Variants in FKBP14 observed in about 807,000 individuals in gnomAD.
FKBP14 encodes the protein peptidyl-prolyl cis-trans isomerase FKBP14.
FKBP14 carries 20 observed loss-of-function variants against 21.6 expected under a neutral mutation model. The ratio of observed to expected loss-of-function variants is 0.92; its 90% CI spans 0.65 to 1.34. The LOEUF is 1.34. Ranked by LOEUF, FKBP14 falls within the 40% of genes most tolerant of loss-of-function variation. The pLI, the probability that FKBP14 is intolerant of heterozygous loss-of-function variation, is 0.00. For missense variants in FKBP14, 253 were observed against 249.0 expected (o/e 1.02, Z -0.11); for synonymous variants, 79 against 86.7 (o/e 0.91, Z 0.49).
intron 1 of FKBP14, chr7:30,025,516 C>T (rs1477376994): frequency 6.6e-6 from 1 of 152,140 alleles, no homozygotes; most frequent in African/African-American, 2.4e-5. Context: ...TGATTAGAAG[C>T]CAAAATTTCT....
At chr7:30,007,761 G>C (rs533880952), downstream of FKBP14, among the ~76,000 whole-genome samples, 56 of 152,264 alleles carry the variant, frequency 3.7e-4, no homozygotes, top group Non-Finnish European at 5.6e-4. Context: ...TTAAAATGCA[G>C]ACTCAGGCCC....
chr7:30,024,066 C>T (rs1024597421), intron 1 of FKBP14, among the ~76,000 whole-genome samples: 2 of 152,136 alleles, frequency 1.3e-5, no homozygotes, highest in African/African-American at 4.8e-5. Flanking sequence ...AATGCCTGAT[C>T]CCTACCTAGC....
rs1285571319 is a variant in FKBP14, at chr7:30,011,572, ATGG to A, written c.*3160_*3162del. 3 of 138,642 alleles carry A rather than the reference ATGG, an allele frequency of 2.2e-5. No homozygotes were observed. The highest frequency in any genetic ancestry group is 2.0e-4 in the East Asian group (1 of 4,950). The allele number at this position is 138,642 out of a possible 1,614,324, so 8.6% of individuals were successfully genotyped here. ...TACTATATATATATATACCATATAT[ATGG>A]TATATATATATATATAGTATATATA... is the stretch of plus-strand genomic sequence containing the variant. On this transcript the variant is annotated 3_prime_UTR_variant, in exon 4 of 4. Coordinates refer to ENST00000222803, the MANE Select transcript of FKBP14 (RefSeq NM_017946.4).
Position 30,013,696 on chromosome 7 carries a change from A to C in FKBP14, c.*1039T>G, listed in dbSNP as rs560441504. The C allele has an allele frequency of 3.3e-5, 5 of 152,222 alleles. No individual in the cohort carries two copies. Among genetic ancestry groups the C allele is most frequent in the Non-Finnish European group, 4.4e-5 (3 of 68,040 alleles). The allele number at this position is 152,222 out of a possible 1,614,324, so 9.4% of individuals were successfully genotyped here. A position where few individuals can be genotyped will look rare whatever the true frequency, so the allele number is the denominator to read the frequency against. On this transcript the variant is annotated 3_prime_UTR_variant, in exon 4 of 4. Transcript: ENST00000222803. ...ATTCCGCTAGCCTTAAGAAGTAAATATTGAATATAAATATAACTTTCTACC... is the reference window on the plus strand; with the variant it reads ...ATTCCGCTAGCCTTAAGAAGTAAATCTTGAATATAAATATAACTTTCTACC...
chr7:30,021,244 T>C (rs921414489), intron 2 of FKBP14, among the ~76,000 whole-genome samples: 4 of 152,212 alleles, frequency 2.6e-5, no homozygotes, highest in Non-Finnish European at 4.4e-5. Flanking sequence ...TGATTAACTT[T>C]CTATGTATAT....
At chr7:30,015,684 G>A (rs56015519) in intron 3 of FKBP14, among the ~76,000 whole-genome samples, 1 of 144,402 alleles carries the variant, frequency 6.9e-6, no homozygotes, top group African/African-American at 2.6e-5. Context: ...GGAGTGCAGT[G>A]GCGCAATCTC....
downstream of FKBP14, among the ~76,000 whole-genome samples, chr7:30,007,175 TA>T (rs1030630007): frequency 2.6e-5 from 4 of 151,158 alleles, no homozygotes; most frequent in South Asian, 2.1e-4. Context: ...AAGAAGTAAT[TA>T]AAAAAAAGAA....
downstream of FKBP14, among the ~76,000 whole-genome samples, chr7:30,006,447 TTC>T (rs1727362514): frequency 6.6e-6 from 1 of 152,038 alleles, no homozygotes; most frequent in South Asian, 2.1e-4. Context: ...TTTTTTTTTT[TTC>T]TCCTAAATCT....
At position 30,019,752 on chromosome 7, in the gene FKBP14, C is replaced by T. The variant is rs546886985; in HGVS notation, c.350-629G>A. 5.9e-5 allele frequency among the ~76,000 whole-genome samples: 9 copies of T among 152,200 alleles called. No individual in the cohort carries two copies. The South Asian group carries it at 1.0e-3, about 18-fold the overall frequency. On this transcript the variant is annotated intron_variant, in intron 2 of 3. Coordinates refer to ENST00000222803, the MANE Select transcript of FKBP14 (RefSeq NM_017946.4). The stretch of plus-strand genomic sequence containing the variant: ...AAGGGAGAAAAATCCATGCAAAATA[C>T]TTAGCATTAAACTTGACAAATAGTA...
In FKBP14 at chr7:30,014,661, A is replaced by C; in HGVS notation, c.*74T>G. ...ACAAAGCAAGAAAGAACATTGTATA[A>C]AAATAAAATGTTCTTTAAAGATGAC... On this transcript the variant is annotated 3_prime_UTR_variant, in exon 4 of 4. Transcript: ENST00000222803. The C allele has an allele frequency of 1.0e-6, 1 of 996,532 alleles. No individual in the cohort carries two copies. Among genetic ancestry groups the C allele is most frequent in the East Asian group, 3.0e-5 (1 of 32,994 alleles). The allele number at this position is 996,532 out of a possible 1,614,324, so 61.7% of individuals were successfully genotyped here. A position where few individuals can be genotyped will look rare whatever the true frequency, so the allele number is the denominator to read the frequency against.
rs965724863 is a variant in FKBP14 at position 30,011,382 on chromosome 7, G to A, written c.*3353C>T. On this transcript the variant is annotated 3_prime_UTR_variant, in exon 4 of 4. Coordinates refer to ENST00000222803, the MANE Select transcript of FKBP14 (RefSeq NM_017946.4). ...TTATAAATTTTAGTGTCACCTAAGTGTACGGTGTTTATAAAGTCTACAGTA... is the reference window on the plus strand; with the variant it reads ...TTATAAATTTTAGTGTCACCTAAGTATACGGTGTTTATAAAGTCTACAGTA... The A allele has an allele frequency of 7.3e-5, 11 of 151,404 alleles. No homozygotes were observed. Among genetic ancestry groups the A allele is most frequent in the African/African-American group, 1.9e-4 (8 of 41,174 alleles). 9.4% of individuals were successfully genotyped at this position (151,404 alleles called of 1,614,324 possible). A position where few individuals can be genotyped will look rare whatever the true frequency, so the allele number is the denominator to read the frequency against.
chr7:30,010,888 G>A lies in FKBP14; in HGVS notation c.*3847C>T, dbSNP rs935679653. 2 of 151,976 alleles carry A rather than the reference G, an allele frequency of 1.3e-5. No individual in the cohort carries two copies. Among genetic ancestry groups the A allele is most frequent in the African/African-American group, 4.8e-5 (2 of 41,360 alleles). The allele number at this position is 151,976 out of a possible 1,614,324, so 9.4% of individuals were successfully genotyped here. ...AATAGATAAAAGCTTATATAATAAG[G>A]ATATAAGGAAAATATTTTTGTACAG... On this transcript the variant is annotated 3_prime_UTR_variant, in exon 4 of 4. Transcript: ENST00000222803.
intron 1 of FKBP14, among the ~76,000 whole-genome samples, chr7:30,024,462 G>A (rs953908115): frequency 2.0e-5 from 3 of 152,126 alleles, no homozygotes; most frequent in Admixed American, 6.5e-5. Flanking sequence ...GTGCAGCGGC[G>A]CAATCTTGGC....
In FKBP14 at chr7:30,013,458, C is replaced by T. The variant is rs1406359089; in HGVS notation, c.*1277G>A. On this transcript the variant is annotated 3_prime_UTR_variant, in exon 4 of 4. Transcript: ENST00000222803. ...AGAGACAAGGTTTCACCATGTTGGC[C>T]AGGCTGGTCTTGAACTCCTGATCTC... The T allele has an allele frequency of 2.0e-5, 3 of 152,172 alleles. No homozygotes were observed. The highest frequency in any genetic ancestry group is 4.4e-5 in the Non-Finnish European group (3 of 68,098). 9.4% of individuals were successfully genotyped at this position (152,172 alleles called of 1,614,324 possible). A position where few individuals can be genotyped will look rare whatever the true frequency, so the allele number is the denominator to read the frequency against.
At chr7:30,023,310 T>C (rs555592809) in intron 1 of FKBP14, among the ~76,000 whole-genome samples, 1 of 152,160 alleles carries the variant, frequency 6.6e-6, no homozygotes, top group Non-Finnish European at 1.5e-5. Flanking sequence ...AATGGAAAAA[T>C]GGCTGAGTTT....
At chr7:30,016,593 C>T (rs1384745239) in intron 3 of FKBP14, among the ~76,000 whole-genome samples, 2 of 151,958 alleles carry the variant, frequency 1.3e-5, no homozygotes, top group Admixed American at 6.6e-5. Flanking sequence ...AGGGTTTCAC[C>T]AAGTTGGCCA....
At chr7:30,025,107 T>G (rs1790139194) in intron 1 of FKBP14, among the ~76,000 whole-genome samples, 1 of 152,160 alleles carries the variant, frequency 6.6e-6, no homozygotes, top group Non-Finnish European at 1.5e-5. Context: ...GAATGCCCAG[T>G]AAAGGCAGTT....
intron 3 of FKBP14, among the ~76,000 whole-genome samples, chr7:30,016,970 T>C (rs867203349): frequency 1.3e-5 from 2 of 152,128 alleles, no homozygotes; most frequent in African/African-American, 4.8e-5. Flanking sequence ...TGGATTAATG[T>C]AGAATGTATT....
Position 30,012,255 on chromosome 7 carries a change from CAT to C in FKBP14, c.*2478_*2479del, listed in dbSNP as rs1415232174. ...GATAACTTAAAAACCATAACTTGTG[CAT>C]ATGTTTTCATTTTATACTTGTGTCC... On this transcript the variant is annotated 3_prime_UTR_variant, in exon 4 of 4. Transcript: ENST00000222803. The C allele has an allele frequency of 5.9e-5, 9 of 152,342 alleles. No homozygotes were observed. Among genetic ancestry groups the C allele is most frequent in the Admixed American group, 3.3e-4 (5 of 15,306 alleles). The allele number at this position is 152,342 out of a possible 1,614,324, so 9.4% of individuals were successfully genotyped here. A position where few individuals can be genotyped will look rare whatever the true frequency, so the allele number is the denominator to read the frequency against.
Sources: allele counts gnomAD v4.1 joint callset (sites outside exome capture counted in the v4.1 genomes callset), GRCh38; gene constraint gnomAD v4.1.1; transcripts MANE v1.5; gene names NCBI Gene and HGNC (gene_info 2026-07-23, HGNC 2026-07-21).